PTPRD: variants seen among roughly 807,000 people sequenced by gnomAD.
PTPRD encodes protein tyrosine phosphatase receptor type D, also known as receptor-type tyrosine-protein phosphatase delta.
In PTPRD, 34 loss-of-function variants were observed where a neutral mutation model predicts 214.5. The observed-to-expected ratio is 0.16, with a 90% CI of 0.12 to 0.21. The LOEUF (loss-of-function observed/expected upper bound fraction) is 0.21. Ranked by LOEUF, PTPRD falls within the 10% of genes least tolerant of loss-of-function variation. The pLI is 1.00. For synonymous variants in PTPRD, 1,128 were observed against 845.7 expected, an observed-to-expected ratio of 1.33 and a Z score of -5.79; for missense variants, 2,545 against 2,398.7, an observed-to-expected ratio of 1.06 and a Z score of -1.27.
intron 14 of PTPRD, among the ~76,000 whole-genome samples, chr9:8,608,157 A>G (rs572552842): frequency 6.6e-6 from 1 of 151,832 alleles, no homozygotes; most frequent in African/African-American, 2.4e-5. Context: ...TATAGGATAT[A>G]TCTATACATT....
At chr9:9,036,222 A>AC (rs1194894721) in intron 10 of PTPRD, among the ~76,000 whole-genome samples, 1 of 151,858 alleles carries the variant, frequency 6.6e-6, no homozygotes, top group Non-Finnish European at 1.5e-5. Flanking sequence ...AAAAAAAAAA[A>AC]AACTTGGCAG....
chr9:10,595,624 T>C (rs939009554), intron 2 of PTPRD, among the ~76,000 whole-genome samples: 1 of 151,510 alleles, frequency 6.6e-6, no homozygotes, highest in Non-Finnish European at 1.5e-5. Context: ...TTCTGGGTAC[T>C]TTTAATTTAA....
intron 7 of PTPRD, among the ~76,000 whole-genome samples, chr9:9,590,008 A>G (rs2092550516): frequency 6.6e-6 from 1 of 151,826 alleles, no homozygotes; most frequent in Admixed American, 6.6e-5. Flanking sequence ...AGAGTAAGCA[A>G]CTCTTACTCT....
chr9:9,819,712 T>A (rs10978010), intron 5 of PTPRD, among the ~76,000 whole-genome samples: 4,511 of 152,208 alleles, frequency 0.03, 77 homozygotes, highest in Middle Eastern at 0.058. Flanking sequence ...GCCATTTTCA[T>A]GTCCATGAGC....
chr9:10,418,385 T>C (rs1276644201), intron 2 of PTPRD, among the ~76,000 whole-genome samples: 1 of 151,232 alleles, frequency 6.6e-6, no homozygotes, highest in African/African-American at 2.4e-5. Context: ...AGGATTCCAT[T>C]GTGAGAGTTC....
At chr9:8,526,585 A>G in intron 17 of PTPRD, 42 bp downstream of exon 17, 1 of 1,519,504 alleles carries the variant, frequency 6.6e-7, no homozygotes, top group Non-Finnish European at 8.9e-7. Context: ...GACAGAAAGA[A>G]TGAGTAAGAT....
intron 9 of PTPRD, among the ~76,000 whole-genome samples, chr9:9,316,630 A>C (rs1963313988): frequency 6.6e-6 from 1 of 152,242 alleles, no homozygotes; most frequent in South Asian, 2.1e-4. Flanking sequence ...AAAATAGCCC[A>C]ATCAACTATG....
intron 2 of PTPRD, among the ~76,000 whole-genome samples, chr9:10,610,205 A>G (rs2133774919): frequency 6.6e-6 from 1 of 152,272 alleles, no homozygotes; most frequent in East Asian, 1.9e-4. Context: ...TGCCATTTTT[A>G]TCTGTTATTA....
chr9:9,134,593 G>A (rs969058376), intron 10 of PTPRD, among the ~76,000 whole-genome samples: 3 of 152,056 alleles, frequency 2.0e-5, no homozygotes, highest in East Asian at 3.9e-4. Flanking sequence ...CCAAATTATC[G>A]AGAGTAAAAA....
intron 8 of PTPRD, among the ~76,000 whole-genome samples, chr9:9,509,706 T>C (rs2096654146): frequency 6.6e-6 from 1 of 151,642 alleles, no homozygotes; most frequent in Admixed American, 6.6e-5. Flanking sequence ...GTGGCAGTGA[T>C]TGGCTTTCTG....
chr9:9,206,311 T>C (rs1325992658), intron 9 of PTPRD, among the ~76,000 whole-genome samples: 1 of 152,106 alleles, frequency 6.6e-6, no homozygotes, highest in African/African-American at 2.4e-5. Context: ...AGGAGGACCA[T>C]TGGAGGGTTG....
chr9:8,593,880 G>A (rs2094299181), intron 14 of PTPRD, among the ~76,000 whole-genome samples: 1 of 152,116 alleles, frequency 6.6e-6, no homozygotes, highest in Non-Finnish European at 1.5e-5. Flanking sequence ...TTCTTTCTGA[G>A]CATTTCATTA....
At chr9:9,567,806 A>G (rs574687592) in intron 8 of PTPRD, among the ~76,000 whole-genome samples, 4 of 152,128 alleles carry the variant, frequency 2.6e-5, no homozygotes, top group African/African-American at 9.6e-5. Flanking sequence ...GGTCTAAGCC[A>G]ATAGTAAATG....
chr9:9,712,044 A>G (rs1423126564), intron 7 of PTPRD, among the ~76,000 whole-genome samples: 1 of 151,640 alleles, frequency 6.6e-6, no homozygotes. Flanking sequence ...TCTCGCACCG[A>G]CTTAGCAAAA....
intron 11 of PTPRD, among the ~76,000 whole-genome samples, chr9:8,820,125 A>C (rs1238234704): frequency 6.6e-6 from 1 of 152,226 alleles, no homozygotes; most frequent in African/African-American, 2.4e-5. Flanking sequence ...ACTATTTGCT[A>C]ACACTTTCTA....
At chr9:9,857,664 C>T (rs905259816) in intron 5 of PTPRD, among the ~76,000 whole-genome samples, 1 of 152,108 alleles carries the variant, frequency 6.6e-6, no homozygotes, top group African/African-American at 2.4e-5. Flanking sequence ...CCATATTATA[C>T]AAAATGTAAA....
chr9:8,823,516 G>T (rs1434499124), intron 11 of PTPRD, among the ~76,000 whole-genome samples: 1 of 152,078 alleles, frequency 6.6e-6, no homozygotes, highest in African/African-American at 2.4e-5. Context: ...GTGTGGTGGT[G>T]GCGCGTGCCT....
At chr9:9,999,129 G>T (rs747736684) in intron 4 of PTPRD, among the ~76,000 whole-genome samples, 1 of 152,136 alleles carries the variant, frequency 6.6e-6, no homozygotes, top group South Asian at 2.1e-4. Context: ...ATTTAACCCA[G>T]GAGATCTGGT....
At chr9:9,660,572 G>T (rs958553561) in intron 7 of PTPRD, among the ~76,000 whole-genome samples, 2 of 151,958 alleles carry the variant, frequency 1.3e-5, no homozygotes, top group African/African-American at 4.8e-5. Flanking sequence ...CAAGTTATTT[G>T]TGTTCAGAAA....
Sources: allele counts gnomAD v4.1 joint callset (sites outside exome capture counted in the v4.1 genomes callset), GRCh38; gene constraint gnomAD v4.1.1; transcripts MANE v1.5; gene names NCBI Gene and HGNC (gene_info 2026-07-23, HGNC 2026-07-21).